PPP2R2B: variants seen among roughly 807,000 people sequenced by gnomAD.
PPP2R2B encodes the protein serine/threonine-protein phosphatase 2A 55 kDa regulatory subunit B beta isoform.
Under a neutral mutation model 46.0 loss-of-function variants are expected in PPP2R2B, and 5 were observed. The observed-to-expected ratio is 0.11, with a 90% CI of 0.06 to 0.23. PPP2R2B has a LOEUF of 0.23. PPP2R2B is among the 10% of genes least tolerant of loss of function. The pLI is 1.00. For synonymous variants in PPP2R2B, 215 were observed against 206.7 expected (o/e 1.04, Z -0.34); for missense variants, 367 against 575.0 (o/e 0.64, Z 3.70).
chr5:146,594,983 C>CAA (rs1771029618), intron 8 of PPP2R2B, among the ~76,000 whole-genome samples: 1 of 152,180 alleles, frequency 6.6e-6, no homozygotes, highest in Non-Finnish European at 1.5e-5. Flanking sequence ...TAGTCTTGGG[C>CAA]AAAGGAACGA....
intron 5 of PPP2R2B, chr5:146,656,464 A>C (rs1047849128): frequency 5.9e-5 from 9 of 151,676 alleles, no homozygotes; most frequent in African/African-American, 2.2e-4. Context: ...GCACGATCCC[A>C]CTACTGATCA....
intron 2 of PPP2R2B, among the ~76,000 whole-genome samples, chr5:146,760,736 C>A (rs1015936743): frequency 4.6e-5 from 7 of 151,974 alleles, no homozygotes; most frequent in East Asian, 1.9e-4. Flanking sequence ...GGGAGGGGTG[C>A]TTTTTCAAAC....
At chr5:146,901,880 T>C (rs560459834) in intron 1 of PPP2R2B, among the ~76,000 whole-genome samples, 24 of 152,280 alleles carry the variant, frequency 1.6e-4, no homozygotes, top group Middle Eastern at 3.4e-3. Flanking sequence ...GGAAAATGCT[T>C]GGAGCGTTCA....
chr5:146,837,614 T>C (rs1759364461), intron 2 of PPP2R2B, among the ~76,000 whole-genome samples: 2 of 152,240 alleles, frequency 1.3e-5, no homozygotes, highest in African/African-American at 4.8e-5. Flanking sequence ...ATTTTAATAA[T>C]ACATTTTCTC....
At chr5:146,593,083 G>A (rs1770820792) in intron 8 of PPP2R2B, 21 bp from the exon 9 acceptor site, 1 of 1,560,344 alleles carries the variant, frequency 6.4e-7, no homozygotes, top group Admixed American at 1.7e-5. Flanking sequence ...AACATATCGA[G>A]AAGGTCAGTT....
chr5:146,924,646 A>G (rs1338627834), intron 1 of PPP2R2B, among the ~76,000 whole-genome samples: 25 of 152,196 alleles, frequency 1.6e-4, no homozygotes, highest in Admixed American at 1.6e-3. Context: ...CTCCTTGTTT[A>G]GGTTTATGAT....
intron 5 of PPP2R2B, 131 bp downstream of exon 5, chr5:146,690,997 G>A: frequency 4.4e-6 from 3 of 677,604 alleles, no homozygotes; most frequent in Non-Finnish European, 7.5e-6. Flanking sequence ...AGAGACTGGG[G>A]TAGGCTGAGT....
intron 2 of PPP2R2B, among the ~76,000 whole-genome samples, chr5:146,873,233 C>T (rs1349673183): frequency 1.3e-5 from 2 of 152,206 alleles, no homozygotes; most frequent in Non-Finnish European, 2.9e-5. Context: ...CAATCTTTCT[C>T]TATTACGTAT....
chr5:146,960,133 T>C (rs1752102952), intron 1 of PPP2R2B, among the ~76,000 whole-genome samples: 1 of 152,198 alleles, frequency 6.6e-6, no homozygotes, highest in Non-Finnish European at 1.5e-5. Context: ...CCTCCAGCTG[T>C]GTTCTAGACC....
At chr5:146,669,868 T>A (rs543058910) in intron 5 of PPP2R2B, among the ~76,000 whole-genome samples, 5 of 152,312 alleles carry the variant, frequency 3.3e-5, no homozygotes, top group African/African-American at 1.2e-4. Context: ...GTCAATACCA[T>A]GGCATTTTTT....
upstream of PPP2R2B, among the ~76,000 whole-genome samples, chr5:146,881,960 C>A (rs1393841717): frequency 5.3e-5 from 8 of 151,918 alleles, no homozygotes; most frequent in Non-Finnish European, 1.0e-4. Flanking sequence ...TATATACGAT[C>A]AAAATTTACC....
intron 2 of PPP2R2B, among the ~76,000 whole-genome samples, chr5:146,825,133 A>C (rs1758495265): frequency 6.6e-6 from 1 of 152,242 alleles, no homozygotes; most frequent in Non-Finnish European, 1.5e-5. Flanking sequence ...CTCACATTAC[A>C]AGGTCAGGTC....
chr5:146,979,425 AT>A (rs1441255319), intron 1 of PPP2R2B, among the ~76,000 whole-genome samples: 1 of 152,096 alleles, frequency 6.6e-6, no homozygotes, highest in Non-Finnish European at 1.5e-5. Flanking sequence ...TAGCAAAGAA[AT>A]TTACTTATTT....
chr5:147,019,437 G>T, intron 1 of PPP2R2B, among the ~76,000 whole-genome samples: 1 of 152,116 alleles, frequency 6.6e-6, no homozygotes, highest in East Asian at 1.9e-4. Context: ...GTTTGGAGTG[G>T]AATGTATGTA....
intron 1 of PPP2R2B, among the ~76,000 whole-genome samples, chr5:146,900,954 A>G (rs1038192482): frequency 6.6e-6 from 1 of 152,158 alleles, no homozygotes; most frequent in African/African-American, 2.4e-5. Flanking sequence ...CCTGCAAAGG[A>G]CATGATCTCA....
intron 2 of PPP2R2B, among the ~76,000 whole-genome samples, chr5:146,862,035 C>T (rs319232): frequency 0.48 from 73,351 of 151,982 alleles, 19,326 homozygotes; most frequent in East Asian, 0.72. Context: ...CGCATAAACA[C>T]GAGTGAATGA....
rs369586286 is a variant in PPP2R2B at position 146,774,750 on chromosome 5, G to A, written c.71-73608C>T. Among the ~76,000 whole-genome samples the A allele has an allele frequency of 2.8e-4, 43 of 151,262 alleles. 3 individuals are homozygous for A. The South Asian group carries it at 9.0e-3, about 32-fold the overall frequency. On this transcript the variant is annotated intron_variant, in intron 2 of 9. Coordinates refer to ENST00000394411, the MANE Select transcript of PPP2R2B (RefSeq NM_181675.4). ...GATAATCGCTTGAGCCTGGGAGATA[G>A]AGGCTGCAGTGAGCTGAGATCATGC...
At chr5:146,764,620 C>T (rs1754360771) in intron 2 of PPP2R2B, among the ~76,000 whole-genome samples, 1 of 152,142 alleles carries the variant, frequency 6.6e-6, no homozygotes, top group Non-Finnish European at 1.5e-5. Flanking sequence ...GCTGCACCTG[C>T]AAGAGTGAGT....
chr5:146,581,835 A>C lies in PPP2R2B; in HGVS notation c.*8112T>G, dbSNP rs1204513432. ...GGCTGAGTCTTCATAAGCCACCTGC[A>C]TTTGGAGTTGAAAACCAATGGTCTA... is the stretch of plus-strand genomic sequence containing the variant. On this transcript the variant is annotated 3_prime_UTR_variant, in exon 10 of 10. Transcript: ENST00000394411. 2.0e-5 allele frequency: 3 copies of C among 152,216 alleles called. No individual in the cohort carries two copies. The highest frequency in any genetic ancestry group is 2.0e-4 in the Admixed American group (3 of 15,286). The allele number at this position is 152,216 out of a possible 1,614,324, so 9.4% of individuals were successfully genotyped here. A position where few individuals can be genotyped will look rare whatever the true frequency, so the allele number is the denominator to read the frequency against.
Sources: gnomAD v4.1 joint callset for allele counts (sites outside exome capture counted in the v4.1 genomes callset) on GRCh38, gnomAD v4.1.1 for gene constraint, MANE v1.5 for transcripts, NCBI Gene and HGNC (gene_info 2026-07-23, HGNC 2026-07-21) for gene names.